Variants in SPECC1 observed in about 807,000 individuals in gnomAD.
SPECC1 encodes cytospin-B.
In SPECC1, 62 loss-of-function variants were observed where a neutral mutation model predicts 104.1. The ratio of observed to expected loss-of-function variants is 0.60; its 90% CI spans 0.49 to 0.74. The LOEUF (loss-of-function observed/expected upper bound fraction) is 0.74, where lower values mean the gene tolerates loss of function less well. Ranked by LOEUF, SPECC1 falls within the 30% of genes least tolerant of loss-of-function variation. The pLI is 0.00. For synonymous variants in SPECC1, 513 were observed against 501.6 expected, an observed-to-expected ratio of 1.02 and a Z score of -0.30; for missense variants, 1,306 against 1,310.5, an observed-to-expected ratio of 1.00 and a Z score of 0.05.
At chr17:20,104,516 G>A (rs545012355) in intron 2 of SPECC1, among the ~76,000 whole-genome samples, 1 of 152,046 alleles carries the variant, frequency 6.6e-6, no homozygotes, top group African/African-American at 2.4e-5. Flanking sequence ...GCCGAGGCAG[G>A]TGGATCACCT....
chr17:20,232,272 T>C lies in SPECC1; in HGVS notation c.2218T>C (p.Cys740Arg), dbSNP rs1346148850. ...AGTGGTGGTGGCCAATGACATCAAG[T>C]GTGAGGCCCAGCAGGAGCTGCGCAC... ...TAVVVANDIK[C>R]EAQQELRTVK... The change falls in exon 7 of 15, where the codon TGT (cysteine) becomes CGT (arginine). Residue 740 changes from cysteine (C) to arginine (R), a missense_variant. By Grantham distance (180) the Cys-to-Arg change is radical. Coordinates refer to ENST00000395527, the MANE Select transcript of SPECC1 (RefSeq NM_001243439.2). 5.6e-6 allele frequency: 9 copies of C among 1,614,036 alleles called. No individual in the cohort carries two copies. The highest frequency in any genetic ancestry group is 1.1e-5 in the South Asian group (1 of 91,070).
At chr17:20,077,743 A>C (rs1267031074) in intron 1 of SPECC1, among the ~76,000 whole-genome samples, 1 of 152,146 alleles carries the variant, frequency 6.6e-6, no homozygotes, top group African/African-American at 2.4e-5. Context: ...CTGGGGTTAC[A>C]AGCGTGAGCC....
intron 1 of SPECC1, among the ~76,000 whole-genome samples, chr17:20,016,700 G>A (rs563721565): frequency 6.6e-6 from 1 of 152,354 alleles, no homozygotes; most frequent in East Asian, 1.9e-4. Flanking sequence ...CGCCATGCCT[G>A]AGCCACCCCC....
intron 4 of SPECC1, among the ~76,000 whole-genome samples, chr17:20,216,691 G>A (rs1049632729): frequency 6.6e-6 from 1 of 152,130 alleles, no homozygotes. Context: ...ACCCTTCTTG[G>A]GAAGTTTGTT....
intron 3 of SPECC1, among the ~76,000 whole-genome samples, chr17:20,134,393 A>C (rs1721262732): frequency 2.0e-4 from 28 of 137,534 alleles, no homozygotes; most frequent in African/African-American, 4.2e-4. Context: ...TGACCAACCC[A>C]CCCCTCTGCA....
chr17:20,196,330 G>A (rs1455568882), intron 3 of SPECC1, among the ~76,000 whole-genome samples: 1 of 152,196 alleles, frequency 6.6e-6, no homozygotes, highest in East Asian at 1.9e-4. Context: ...TTGTGTATTA[G>A]GTGTGGAGCC....
intron 12 of SPECC1, among the ~76,000 whole-genome samples, chr17:20,292,155 A>T (rs1379101351): frequency 6.6e-6 from 1 of 151,974 alleles, no homozygotes; most frequent in Non-Finnish European, 1.5e-5. Flanking sequence ...GGAGCTGAGT[A>T]CTGGCAGGGG....
intron 7 of SPECC1, chr17:20,236,950 G>A: frequency 6.2e-7 from 1 of 1,611,372 alleles, no homozygotes; most frequent in South Asian, 1.1e-5. Context: ...ATCTCTAGAT[G>A]AAAGGGGGAA....
chr17:20,173,670 T>C (rs893942330), intron 3 of SPECC1, among the ~76,000 whole-genome samples: 4 of 152,198 alleles, frequency 2.6e-5, no homozygotes, highest in Non-Finnish European at 4.4e-5. Flanking sequence ...CGTGGTGAAA[T>C]GTTGGGCATA....
chr17:20,076,221 A>G (rs1261074310), intron 1 of SPECC1, among the ~76,000 whole-genome samples: 2 of 152,206 alleles, frequency 1.3e-5, no homozygotes, highest in Non-Finnish European at 2.9e-5. Flanking sequence ...TTCTTTTGAG[A>G]CAGAGTCTCA....
At chr17:20,029,720 AG>A (rs2044733332) in intron 1 of SPECC1, among the ~76,000 whole-genome samples, 1 of 152,116 alleles carries the variant, frequency 6.6e-6, no homozygotes, top group Admixed American at 6.6e-5. Context: ...ATTTGTTCGT[AG>A]TATTCTTTTC....
In SPECC1 at chr17:20,066,314, G is replaced by A. The variant is rs538429098; in HGVS notation, c.-21-30317G>A. Among the ~76,000 whole-genome samples the A allele has an allele frequency of 9.2e-5, 14 of 152,276 alleles. No individual in the cohort carries two copies. In the South Asian group the frequency reaches 2.9e-3, roughly 32 times the overall value. ...TGCCTTTCTCCTAGTTATTTTTAGG[G>A]TTGATAAATTTGTTTTCCAAGAGCA... On this transcript the variant is annotated intron_variant, in intron 1 of 14. Transcript: ENST00000395527.
At chr17:20,268,441 C>T (rs975375446) in intron 12 of SPECC1, among the ~76,000 whole-genome samples, 1 of 152,238 alleles carries the variant, frequency 6.6e-6, no homozygotes, top group Non-Finnish European at 1.5e-5. Flanking sequence ...TAGCAAGCAG[C>T]CTCTAAAATA....
intron 1 of SPECC1, among the ~76,000 whole-genome samples, chr17:20,015,751 A>AT (rs2044097890): frequency 6.7e-6 from 1 of 149,722 alleles, no homozygotes. Context: ...CGCCCGGCTA[A>AT]TTTTTTGTAT....
chr17:20,082,015 A>G (rs922118873), intron 1 of SPECC1, among the ~76,000 whole-genome samples: 2 of 152,168 alleles, frequency 1.3e-5, no homozygotes, highest in Non-Finnish European at 2.9e-5. Flanking sequence ...AGACAGGGAA[A>G]AGGCACCCTC....
At chr17:20,284,296 G>T (rs992292203) in intron 12 of SPECC1, among the ~76,000 whole-genome samples, 13 of 152,234 alleles carry the variant, frequency 8.5e-5, no homozygotes, top group Admixed American at 3.3e-4. Context: ...GCGGTGATCA[G>T]AGAGGGGCAG....
At chr17:20,094,944 T>G (rs1460876594) in intron 1 of SPECC1, among the ~76,000 whole-genome samples, 1 of 152,198 alleles carries the variant, frequency 6.6e-6, no homozygotes, top group Non-Finnish European at 1.5e-5. Context: ...CATAAAAGGG[T>G]GTCTTGATTA....
intron 3 of SPECC1, among the ~76,000 whole-genome samples, chr17:20,131,616 C>T (rs577667572): frequency 2.7e-4 from 40 of 149,714 alleles, no homozygotes; most frequent in African/African-American, 9.1e-4. Context: ...TCCTGATCTA[C>T]GTGGAAAGCA....
chr17:20,227,140 G>T (rs144120005), intron 4 of SPECC1, among the ~76,000 whole-genome samples: 4 of 152,172 alleles, frequency 2.6e-5, no homozygotes, highest in African/African-American at 9.6e-5. Context: ...AGCATACATC[G>T]TGTTTCTCTG....
Sources: gnomAD v4.1 joint callset for allele counts (sites outside exome capture counted in the v4.1 genomes callset) on GRCh38, gnomAD v4.1.1 for gene constraint, MANE v1.5 for transcripts, NCBI Gene and HGNC (gene_info 2026-07-23, HGNC 2026-07-21) for gene names.